Variants in UBR1 observed in about 807,000 individuals in gnomAD.
UBR1 encodes ubiquitin protein ligase E3 component n-recognin 1.
Under a neutral mutation model 242.1 loss-of-function variants are expected in UBR1, and 102 were observed. The observed-to-expected ratio is 0.42, with a 90% CI of 0.36 to 0.50. The LOEUF (loss-of-function observed/expected upper bound fraction) is 0.50. Ranked by LOEUF, UBR1 falls within the 20% of genes least tolerant of loss-of-function variation. UBR1 has a pLI of 0.01. For synonymous variants in UBR1, 675 were observed against 684.8 expected, an observed-to-expected ratio of 0.99 and a Z score of 0.22; for missense variants, 1,772 against 2,101.8, an observed-to-expected ratio of 0.84 and a Z score of 3.07.
intron 42 of UBR1, among the ~76,000 whole-genome samples, chr15:42,961,999 C>T (rs1275504699): frequency 2.7e-5 from 4 of 149,892 alleles, no homozygotes; most frequent in Non-Finnish European, 4.4e-5. Context: ...CTCCTGACCT[C>T]GTGATCCAAA....
intron 39 of UBR1, among the ~76,000 whole-genome samples, chr15:42,973,540 C>A (rs184946111): frequency 2.6e-5 from 4 of 152,218 alleles, no homozygotes; most frequent in Admixed American, 2.0e-4. Context: ...GTGATCTGCC[C>A]ACCTTGGCCT....
At chr15:43,017,233 C>T in intron 27 of UBR1, 52 bp from the exon 28 acceptor site, 1 of 1,269,650 alleles carries the variant, frequency 7.9e-7, no homozygotes, top group Non-Finnish European at 1.1e-6. Context: ...GTTAGACCGA[C>T]CAGGAACAGA....
intron 37 of UBR1, among the ~76,000 whole-genome samples, chr15:42,979,840 G>A (rs2032348719): frequency 6.6e-6 from 1 of 152,130 alleles, no homozygotes; most frequent in South Asian, 2.1e-4. Flanking sequence ...TTACAGGTGT[G>A]AGCCACTGCT....
intron 15 of UBR1, among the ~76,000 whole-genome samples, chr15:43,039,278 AT>A (rs2033385307): frequency 6.6e-6 from 1 of 152,234 alleles, no homozygotes; most frequent in Non-Finnish European, 1.5e-5. Context: ...GAAAAGCTTC[AT>A]AACTTTAGAT....
chr15:43,028,090 T>C (rs1471785642), intron 21 of UBR1, among the ~76,000 whole-genome samples: 2 of 152,190 alleles, frequency 1.3e-5, no homozygotes, highest in African/African-American at 2.4e-5. Context: ...AGTACACACA[T>C]ACATCTACAG....
chr15:43,021,140 A>C, intron 27 of UBR1, 135 bp downstream of exon 27: 1 of 653,400 alleles, frequency 1.5e-6, no homozygotes, highest in South Asian at 1.8e-5. Flanking sequence ...AAATAGAATT[A>C]TTAACATGAA....
chr15:43,091,483 T>C (rs2034104918), intron 1 of UBR1, among the ~76,000 whole-genome samples: 1 of 152,160 alleles, frequency 6.6e-6, no homozygotes, highest in Admixed American at 6.5e-5. Flanking sequence ...AACAAAACAA[T>C]AAAGTTTTGC....
chr15:43,085,876 G>A (rs917437188), intron 2 of UBR1, 108 bp downstream of exon 2: 15 of 1,203,628 alleles, frequency 1.2e-5, no homozygotes, highest in African/African-American at 6.4e-5. Context: ...ACCGGAGATC[G>A]CACCACTGCA....
chr15:43,035,871 T>C (rs547779751), intron 19 of UBR1, among the ~76,000 whole-genome samples: 12 of 143,510 alleles, frequency 8.4e-5, no homozygotes, highest in Admixed American at 5.3e-4. Context: ...TAGGTGGGAA[T>C]TGAACAATGA....
At chr15:43,027,579 G>A (rs1045911388) in intron 22 of UBR1, among the ~76,000 whole-genome samples, 197 bp downstream of exon 22, 1 of 151,982 alleles carries the variant, frequency 6.6e-6, no homozygotes, top group Admixed American at 6.5e-5. Context: ...TCATTCACTT[G>A]CCAAAAACAC....
chr15:43,027,739 C>A lies in UBR1; in HGVS notation c.2432+37G>T, dbSNP rs764361655. 1.9e-6 allele frequency: 3 copies of A among 1,588,200 alleles called. No homozygotes were observed. In the African/African-American group the frequency reaches 4.0e-5, roughly 21 times the overall value. Reference sequence around the variant, plus strand: ...CCAAAGTACAAGAACAAAGATCAAACTACCTTTTAGAATAAGCATAAATAT... The same window carrying A: ...CCAAAGTACAAGAACAAAGATCAAAATACCTTTTAGAATAAGCATAAATAT... On this transcript the variant is annotated intron_variant, in intron 22 of 46. Transcript: ENST00000290650.
At chr15:43,033,060 A>G (rs2141313498) in intron 19 of UBR1, among the ~76,000 whole-genome samples, 1 of 152,212 alleles carries the variant, frequency 6.6e-6, no homozygotes, top group East Asian at 1.9e-4. Flanking sequence ...AGTATAAAAC[A>G]ACTAAAAATT....
chr15:43,030,372 A>C (rs1242584796), intron 20 of UBR1, among the ~76,000 whole-genome samples: 1 of 152,172 alleles, frequency 6.6e-6, no homozygotes, highest in African/African-American at 2.4e-5. Context: ...ACACATTATA[A>C]ACAAGGCCCC....
rs2033338887 is a variant in UBR1, at chr15:43,036,597, TA to T, written c.2023-5del. On this transcript the variant is annotated splice_region_variant and splice_polypyrimidine_tract_variant and intron_variant, in intron 17 of 46. Coordinates refer to ENST00000290650, the MANE Select transcript of UBR1 (RefSeq NM_174916.3). ...TAACATCTTGGTAATAAAACACCTA[TA>T]AGGTAATAGGTAGAATAAATCCTAA... The T allele has an allele frequency of 1.3e-6, 2 of 1,530,106 alleles. No homozygotes were observed. Among genetic ancestry groups the T allele is most frequent in the Non-Finnish European group, 1.8e-6 (2 of 1,104,176 alleles). 94.8% of individuals were successfully genotyped at this position (1,530,106 alleles called of 1,614,324 possible).
At chr15:43,039,713 A>G (rs1378102154) in intron 15 of UBR1, among the ~76,000 whole-genome samples, 1 of 152,082 alleles carries the variant, frequency 6.6e-6, no homozygotes, top group East Asian at 1.9e-4. Context: ...TTCCAACACT[A>G]TGTTGAATAG....
At chr15:42,952,613 T>C (rs1313167039) in intron 44 of UBR1, among the ~76,000 whole-genome samples, 165 bp from the exon 45 acceptor site, 3 of 152,244 alleles carry the variant, frequency 2.0e-5, no homozygotes, top group Non-Finnish European at 4.4e-5. Context: ...TCCTCTTTAA[T>C]ATGCCCCCTA....
At chr15:43,005,512 G>T (rs1465440990) in intron 30 of UBR1, among the ~76,000 whole-genome samples, 1 of 151,828 alleles carries the variant, frequency 6.6e-6, no homozygotes, top group African/African-American at 2.4e-5. Context: ...TCTGGGAGGT[G>T]GGGGGGCGCC....
In UBR1 at chr15:43,011,914, T is replaced by A. The variant is rs79308817; in HGVS notation, c.3209+3774A>T. On this transcript the variant is annotated intron_variant, in intron 29 of 46. Coordinates refer to ENST00000290650, the MANE Select transcript of UBR1 (RefSeq NM_174916.3). ...CACATCAGAGACCACTATGCAGCAG[T>A]CATAAACAATGATGTAGAATCTACA... The A allele has an allele frequency of 8.8e-6, 4 of 453,540 alleles. No individual in the cohort carries two copies. In the East Asian group the frequency reaches 2.8e-4, roughly 32 times the overall value. 28.1% of individuals were successfully genotyped at this position (453,540 alleles called of 1,614,324 possible).
intron 42 of UBR1, among the ~76,000 whole-genome samples, chr15:42,963,197 C>T (rs138584056): frequency 2.8e-4 from 42 of 152,078 alleles, no homozygotes; most frequent in African/African-American, 9.9e-4. Context: ...AAGAACCCAA[C>T]ACAGAGAACC....
Sources: gnomAD v4.1 joint callset for allele counts (sites outside exome capture counted in the v4.1 genomes callset) on GRCh38, gnomAD v4.1.1 for gene constraint, MANE v1.5 for transcripts, NCBI Gene and HGNC (gene_info 2026-07-23, HGNC 2026-07-21) for gene names.